The following PTPRD variants were observed in gnomAD, a reference collection of about 807,000 sequenced individuals.
PTPRD encodes receptor-type tyrosine-protein phosphatase delta.
In PTPRD, 34 loss-of-function variants were observed where a neutral mutation model predicts 214.5. That is an observed-to-expected ratio of 0.16 (90% CI 0.12 to 0.21). The LOEUF (loss-of-function observed/expected upper bound fraction) is 0.21. Among genes scored for constraint, PTPRD ranks in the 10% least tolerant of loss-of-function variants. The probability of loss-of-function intolerance (pLI) is 1.00; values close to 1 mark genes in which losing one functional copy is unlikely to be tolerated. For missense variants in PTPRD, 2,545 were observed against 2,398.7 expected, an observed-to-expected ratio of 1.06 and a Z score of -1.27; for synonymous variants, 1,128 against 845.7, an observed-to-expected ratio of 1.33 and a Z score of -5.79.
In PTPRD at chr9:8,441,170, G is replaced by A. The variant is rs1020879227; in HGVS notation, c.3989-4481C>T. On this transcript the variant is annotated intron_variant, in intron 34 of 45. Coordinates refer to ENST00000381196, the MANE Select transcript of PTPRD (RefSeq NM_002839.4). ...TCCTCACAATGAGCAGGTTTCCAGG[G>A]CTGGCTTTTGTGTCTCTACTTTGAA... is the stretch of plus-strand genomic sequence containing the variant. Among the ~76,000 whole-genome samples the A allele has an allele frequency of 2.0e-5, 3 of 152,216 alleles. No homozygotes were observed. The East Asian group carries it at 5.8e-4, about 29-fold the overall frequency.
intron 3 of PTPRD, among the ~76,000 whole-genome samples, chr9:10,178,512 C>A (rs534452471): frequency 6.6e-6 from 1 of 151,930 alleles, no homozygotes; most frequent in South Asian, 2.1e-4. Context: ...AAAGAGAAAA[C>A]TGGATATGAA....
intron 11 of PTPRD, among the ~76,000 whole-genome samples, chr9:8,889,384 G>A (rs906113585): frequency 1.3e-5 from 2 of 152,150 alleles, no homozygotes; most frequent in African/African-American, 4.8e-5. Context: ...TAATAGATAT[G>A]TGTTAATAAA....
At chr9:8,856,972 T>C (rs1193869178) in intron 11 of PTPRD, among the ~76,000 whole-genome samples, 1 of 152,232 alleles carries the variant, frequency 6.6e-6, no homozygotes, top group African/African-American at 2.4e-5. Context: ...TGGCTTTCTT[T>C]TTAAATTGTT....
chr9:9,006,391 T>C (rs2099467103), intron 11 of PTPRD, among the ~76,000 whole-genome samples: 1 of 152,070 alleles, frequency 6.6e-6, no homozygotes, highest in Admixed American at 6.6e-5. Flanking sequence ...AGAAAGTCTA[T>C]TTATGTTAAG....
At chr9:8,895,929 G>C (rs138571241) in intron 11 of PTPRD, among the ~76,000 whole-genome samples, 9 of 152,312 alleles carry the variant, frequency 5.9e-5, no homozygotes, top group Non-Finnish European at 1.2e-4. Flanking sequence ...CACACTCCTA[G>C]GAGCCTGTTA....
At position 9,839,543 on chromosome 9, in the gene PTPRD, A is replaced by T. The variant is rs902234387; in HGVS notation, c.-367-72692T>A. Among the ~76,000 whole-genome samples, 24 of 152,208 alleles carry T rather than the reference A, an allele frequency of 1.6e-4. 1 individual carries two copies. The highest frequency in any genetic ancestry group is 4.2e-4 in the South Asian group (2 of 4,818). ...GAGAACTACAAACCACTGCTCAATG[A>T]AATAAAAGAGGATACAAACAAATGG... On this transcript the variant is annotated intron_variant, in intron 5 of 45. Transcript: ENST00000381196.
intron 3 of PTPRD, among the ~76,000 whole-genome samples, chr9:10,149,649 A>G (rs2099047157): frequency 1.3e-5 from 2 of 152,222 alleles, no homozygotes; most frequent in Admixed American, 1.3e-4. Context: ...TGAATAGATT[A>G]TAATTCCAGC....
chr9:9,443,686 A>C (rs746968956), intron 8 of PTPRD, among the ~76,000 whole-genome samples: 1 of 152,142 alleles, frequency 6.6e-6, no homozygotes, highest in Non-Finnish European at 1.5e-5. Flanking sequence ...GTTCTCACCA[A>C]GGTACCAGAC....
At chr9:9,066,650 A>G (rs1471863601) in intron 10 of PTPRD, among the ~76,000 whole-genome samples, 1 of 152,150 alleles carries the variant, frequency 6.6e-6, no homozygotes, top group African/African-American at 2.4e-5. Flanking sequence ...GTGATCTCAG[A>G]TATGCTTGTA....
intron 3 of PTPRD, among the ~76,000 whole-genome samples, chr9:10,081,342 A>T (rs1015555658): frequency 6.6e-6 from 1 of 152,096 alleles, no homozygotes; most frequent in Non-Finnish European, 1.5e-5. Context: ...GAAAAAGGCA[A>T]TGGGGGTTAC....
intron 12 of PTPRD, among the ~76,000 whole-genome samples, chr9:8,693,370 A>G (rs1214796954): frequency 6.6e-6 from 1 of 152,174 alleles, no homozygotes; most frequent in Admixed American, 6.5e-5. Context: ...CTCCATGTTG[A>G]CGTACGCCAA....
At chr9:10,592,456 A>G (rs2075693555) in intron 2 of PTPRD, among the ~76,000 whole-genome samples, 1 of 152,028 alleles carries the variant, frequency 6.6e-6, no homozygotes, top group Non-Finnish European at 1.5e-5. Context: ...TGAAGGACAG[A>G]ACATTACAGT....
At chr9:9,989,886 A>C (rs1588295563) in intron 4 of PTPRD, among the ~76,000 whole-genome samples, 1 of 151,886 alleles carries the variant, frequency 6.6e-6, no homozygotes, top group African/African-American at 2.4e-5. Context: ...TGCTCCCTGC[A>C]CCCTCCCCGC....
intron 11 of PTPRD, among the ~76,000 whole-genome samples, chr9:8,993,804 G>A (rs1297966979): frequency 6.6e-6 from 1 of 152,010 alleles, no homozygotes; most frequent in African/African-American, 2.4e-5. Flanking sequence ...TGTTTATTAA[G>A]CACCTGTTAT....
At chr9:8,979,129 C>G (rs1018677371) in intron 11 of PTPRD, among the ~76,000 whole-genome samples, 7 of 152,134 alleles carry the variant, frequency 4.6e-5, no homozygotes, top group Admixed American at 3.3e-4. Flanking sequence ...CAGGCACACA[C>G]CAGGCAAGCC....
At chr9:9,978,504 C>T (rs147685111) in intron 4 of PTPRD, among the ~76,000 whole-genome samples, 408 of 151,882 alleles carry the variant, frequency 2.7e-3, no homozygotes, top group African/African-American at 9.4e-3. Context: ...GAAACTGAAA[C>T]ACGGAAATAA....
chr9:8,410,692 A>T (rs552863361), intron 35 of PTPRD, among the ~76,000 whole-genome samples: 1 of 152,198 alleles, frequency 6.6e-6, no homozygotes, highest in Non-Finnish European at 1.5e-5. Flanking sequence ...TTTCAGTCAC[A>T]TATTTTTGTA....
intron 3 of PTPRD, among the ~76,000 whole-genome samples, chr9:10,237,990 G>A (rs1404848769): frequency 2.0e-5 from 3 of 150,908 alleles, no homozygotes; most frequent in Non-Finnish European, 4.4e-5. Flanking sequence ...TTGCAACATT[G>A]TTACCTATTA....
chr9:10,289,799 T>C (rs578257797), intron 3 of PTPRD, among the ~76,000 whole-genome samples: 16 of 152,066 alleles, frequency 1.1e-4, no homozygotes, highest in Non-Finnish European at 2.2e-4. Flanking sequence ...GTAAGGTACA[T>C]AGGATATGTA....
Sources: gnomAD v4.1 joint callset for allele counts (sites outside exome capture counted in the v4.1 genomes callset) on GRCh38, gnomAD v4.1.1 for gene constraint, MANE v1.5 for transcripts, NCBI Gene and HGNC (gene_info 2026-07-23, HGNC 2026-07-21) for gene names.